Variants in MALT1 observed in about 807,000 individuals in gnomAD.
MALT1 encodes the protein MALT1 paracaspase, also known as mucosa-associated lymphoid tissue lymphoma translocation protein 1.
Under a neutral mutation model 85.5 loss-of-function variants are expected in MALT1, and 36 were observed. The observed-to-expected ratio is 0.42, with a 90% confidence interval of 0.32 to 0.56. The LOEUF (loss-of-function observed/expected upper bound fraction) is 0.56, where lower values mean the gene tolerates loss of function less well. MALT1 is among the 20% of genes least tolerant of loss of function. MALT1 has a pLI of 0.10. For synonymous variants in MALT1, 359 were observed against 361.3 expected (o/e 0.99, Z 0.07); for missense variants, 716 against 981.6 (o/e 0.73, Z 3.62).
At chr18:58,715,395 G>A (rs2054884639) in intron 8 of MALT1, among the ~76,000 whole-genome samples, 1 of 152,152 alleles carries the variant, frequency 6.6e-6, no homozygotes, top group South Asian at 2.1e-4. Context: ...TCAGTGGCAT[G>A]TATTTGACCA....
chr18:58,738,131 T>C (rs2055251030), intron 13 of MALT1, among the ~76,000 whole-genome samples: 1 of 152,206 alleles, frequency 6.6e-6, no homozygotes, highest in African/African-American at 2.4e-5. Context: ...CACTCCATGA[T>C]AACTACCATT....
intron 9 of MALT1, among the ~76,000 whole-genome samples, chr18:58,719,349 GTC>G (rs777850249): frequency 5.3e-5 from 8 of 151,728 alleles, no homozygotes; most frequent in Non-Finnish European, 1.0e-4. Context: ...CTCTTACTCT[GTC>G]TCTCTGTCTC....
At position 58,749,772 on chromosome 18, in the gene MALT1, C is replaced by T. The variant is rs2055421869; in HGVS notation, c.*1930C>T. ...TCCAAAACTCTTTCATAAAAACACT[C>T]AACAAACTTAGGAATAAAAGGAATC... is the stretch of plus-strand genomic sequence containing the variant. On this transcript the variant is annotated 3_prime_UTR_variant, in exon 17 of 17. Coordinates refer to ENST00000649217, the MANE Select transcript of MALT1 (RefSeq NM_006785.4). 4.6e-6 allele frequency: 1 copy of T among 215,468 alleles called. No homozygotes were observed. The highest frequency in any genetic ancestry group is 9.4e-6 in the Non-Finnish European group (1 of 106,818). The allele number at this position is 215,468 out of a possible 1,614,324, so 13.3% of individuals were successfully genotyped here. A position where few individuals can be genotyped will look rare whatever the true frequency, so the allele number is the denominator to read the frequency against.
At chr18:58,701,146 CAT>C (rs34462992) in intron 4 of MALT1, among the ~76,000 whole-genome samples, 59,346 of 151,662 alleles carry the variant, frequency 0.39, 14,193 homozygotes, top group Non-Finnish European at 0.52. Context: ...TGCACACACA[CAT>C]ATATGTGTGT....
chr18:58,671,574 G>C lies in MALT1; in HGVS notation c.-70G>C, dbSNP rs920884090. The C allele has an allele frequency of 4.8e-6, 5 of 1,048,926 alleles. No homozygotes were observed. The highest frequency in any genetic ancestry group is 3.6e-4 in the Middle Eastern group (1 of 2,786). 65.0% of individuals were successfully genotyped at this position (1,048,926 alleles called of 1,614,324 possible). ...TCCGCGGCTCGGAGGCGAGCGGAAG[G>C]TGCCCCGGGGCCGAGGCCCGTGACG... On this transcript the variant is annotated 5_prime_UTR_variant, in exon 1 of 17. Coordinates refer to ENST00000649217, the MANE Select transcript of MALT1 (RefSeq NM_006785.4).
chr18:58,696,587 AAG>A, intron 3 of MALT1, 100 bp downstream of exon 3: 1 of 1,008,332 alleles, frequency 9.9e-7, no homozygotes, highest in Non-Finnish European at 1.4e-6. Context: ...AGTTTGGTAA[AAG>A]AGTCTGATAG....
intron 13 of MALT1, 84 bp downstream of exon 13, chr18:58,735,413 T>C: frequency 7.1e-7 from 1 of 1,415,118 alleles, no homozygotes; most frequent in South Asian, 1.4e-5. Flanking sequence ...CTCTGGTGAT[T>C]GTTTTATTCT....
rs999370611 is a variant in MALT1, at chr18:58,750,090, T to C, written c.*2248T>C. On this transcript the variant is annotated 3_prime_UTR_variant, in exon 17 of 17. Transcript: ENST00000649217. ...TTCACAGTTGATACATAGTTGTATATAGAAAATGCTAAAGAATCCATAAAA... is the reference window on the plus strand; with the variant it reads ...TTCACAGTTGATACATAGTTGTATACAGAAAATGCTAAAGAATCCATAAAA... 1.6e-5 allele frequency: 3 copies of C among 187,680 alleles called. No homozygotes were observed. The highest frequency in any genetic ancestry group is 3.4e-5 in the Non-Finnish European group (3 of 88,976). The allele number at this position is 187,680 out of a possible 1,614,324, so 11.6% of individuals were successfully genotyped here. A position where few individuals can be genotyped will look rare whatever the true frequency, so the allele number is the denominator to read the frequency against.
intron 2 of MALT1, among the ~76,000 whole-genome samples, chr18:58,683,051 A>T (rs1474194010): frequency 1.3e-5 from 2 of 152,188 alleles, no homozygotes; most frequent in Non-Finnish European, 2.9e-5. Context: ...CCCATTACTG[A>T]TAGAAACAGT....
chr18:58,675,906 G>A (rs763817701), intron 1 of MALT1, among the ~76,000 whole-genome samples: 5 of 152,046 alleles, frequency 3.3e-5, no homozygotes, highest in East Asian at 1.9e-4. Context: ...AATTTAACAC[G>A]TCTTCCCTTA....
intron 1 of MALT1, among the ~76,000 whole-genome samples, chr18:58,680,880 G>A (rs968530102): frequency 9.9e-5 from 14 of 141,220 alleles, no homozygotes; most frequent in Admixed American, 1.5e-4. Context: ...CCGAGATTGC[G>A]CCACTGCAGT....
chr18:58,720,053 G>A (rs982730530), intron 9 of MALT1, among the ~76,000 whole-genome samples: 2 of 152,142 alleles, frequency 1.3e-5, no homozygotes, highest in African/African-American at 2.4e-5. Context: ...TTTGGAAGAC[G>A]TTTAGGATCA....
intron 13 of MALT1, among the ~76,000 whole-genome samples, chr18:58,739,685 A>G (rs2055274807): frequency 6.6e-6 from 1 of 152,142 alleles, no homozygotes; most frequent in Non-Finnish European, 1.5e-5. Context: ...TGGGGCTCAA[A>G]CTACAACTCT....
chr18:58,720,398 A>C (rs550302607), intron 9 of MALT1, among the ~76,000 whole-genome samples: 132 of 152,310 alleles, frequency 8.7e-4, no homozygotes, highest in Non-Finnish European at 1.2e-3. Flanking sequence ...TCACCCAGGA[A>C]CTGTTTTACA....
intron 5 of MALT1, 68 bp from the exon 6 acceptor site, chr18:58,709,908 A>G (rs1010981592): frequency 2.2e-5 from 23 of 1,044,906 alleles, no homozygotes; most frequent in Non-Finnish European, 3.1e-5. Context: ...TTTAAAACAC[A>G]AAATGATTTT....
intron 2 of MALT1, among the ~76,000 whole-genome samples, chr18:58,682,726 A>C (rs1263068455): frequency 6.6e-6 from 1 of 152,210 alleles, no homozygotes; most frequent in Admixed American, 6.5e-5. Flanking sequence ...AACTATTAGA[A>C]GGAAAAAGGA....
intron 9 of MALT1, among the ~76,000 whole-genome samples, chr18:58,721,680 A>G (rs569870623): frequency 6.6e-6 from 1 of 152,304 alleles, no homozygotes; most frequent in African/African-American, 2.4e-5. Context: ...TGTTCCATGG[A>G]AAGAAAAGCA....
At chr18:58,742,758 A>G (rs370203010) in intron 14 of MALT1, among the ~76,000 whole-genome samples, 1 of 152,186 alleles carries the variant, frequency 6.6e-6, no homozygotes, top group South Asian at 2.1e-4. Context: ...ATTGGGATTG[A>G]ATGAGTGCAT....
At chr18:58,678,966 C>T (rs1357675464) in intron 1 of MALT1, among the ~76,000 whole-genome samples, 2 of 152,182 alleles carry the variant, frequency 1.3e-5, no homozygotes, top group Admixed American at 6.5e-5. Context: ...GGTGTGAATT[C>T]TACAGTATAT....
Sources: allele counts gnomAD v4.1 joint callset (sites outside exome capture counted in the v4.1 genomes callset), GRCh38; gene constraint gnomAD v4.1.1; transcripts MANE v1.5; gene names NCBI Gene and HGNC (gene_info 2026-07-23, HGNC 2026-07-21).